The following KRTCAP2 variants were observed in gnomAD, a reference collection of about 807,000 sequenced individuals.
KRTCAP2 encodes keratinocyte associated protein 2.
Under a neutral mutation model 16.5 loss-of-function variants are expected in KRTCAP2, and 10 were observed. The ratio of observed to expected loss-of-function variants is 0.60; its 90% CI spans 0.37 to 1.02. KRTCAP2 has a LOEUF of 1.02. Among genes scored for constraint, KRTCAP2 ranks in the 50% least tolerant of loss-of-function variants. KRTCAP2 has a pLI of 0.01. For missense variants in KRTCAP2, 152 were observed against 159.6 expected (o/e 0.95, Z 0.26); for synonymous variants, 68 against 69.8 (o/e 0.97, Z 0.13).
chr1:155,172,927 C>T (rs763492478), intron 1 of KRTCAP2, 35 bp from the exon 2 acceptor site: 5 of 1,607,470 alleles, frequency 3.1e-6, no homozygotes, highest in Admixed American at 3.4e-5. Context: ...GAGAGTCAGG[C>T]TCCGCCCTCC....
chr1:155,171,565 G>T (rs1665246192), intron 3 of KRTCAP2: 1 of 983,126 alleles, frequency 1.0e-6, no homozygotes, highest in Non-Finnish European at 1.2e-6. Context: ...GGGGGGCAAA[G>T]AAATGAGGGC....
chr1:155,172,895 G>A lies in KRTCAP2; in HGVS notation c.5-3C>T, dbSNP rs2147769779. 1 of 1,613,620 alleles carries A rather than the reference G, an allele frequency of 6.2e-7. No homozygotes were observed. Among genetic ancestry groups the A allele is most frequent in the South Asian group, 1.1e-5 (1 of 91,056 alleles). ...CAGCGAGGTGCCCGTACCCACCACT[G>A]GAGGGGATGGGAGAAGGGACGGAGA... On this transcript the variant is annotated splice_polypyrimidine_tract_variant and splice_region_variant and intron_variant, in intron 1 of 4. Coordinates refer to ENST00000295682, the MANE Select transcript of KRTCAP2 (RefSeq NM_173852.4).
intron 3 of KRTCAP2, chr1:155,171,113 G>C (rs1665225805): frequency 6.6e-6 from 1 of 152,236 alleles, no homozygotes; most frequent in Admixed American, 6.6e-5. Context: ...CCCAGCCAAT[G>C]GTTTCTTTCA....
chr1:155,171,498 G>C (rs1335043760), intron 3 of KRTCAP2: 1 of 985,012 alleles, frequency 1.0e-6, no homozygotes, highest in Non-Finnish European at 1.2e-6. Context: ...CGGGGCTACT[G>C]GATGGAAAGA....
chr1:155,172,120 C>G, intron 3 of KRTCAP2: 1 of 1,005,490 alleles, frequency 9.9e-7, no homozygotes, highest in Non-Finnish European at 1.2e-6. Context: ...GGTCAGGATT[C>G]CTGCTGCCAT....
intron 3 of KRTCAP2, chr1:155,171,335 C>T (rs1665231979): frequency 4.3e-6 from 2 of 463,546 alleles, no homozygotes; most frequent in Non-Finnish European, 5.6e-6. Context: ...AGGAGAATCG[C>T]TTGAACCTGG....
At chr1:155,171,425 A>AT (rs1665238089) in intron 3 of KRTCAP2, 2 of 981,102 alleles carry the variant, frequency 2.0e-6, no homozygotes, top group Non-Finnish European at 2.4e-6. Context: ...TCTCAAAAAA[A>AT]AAAAAAAAAA....
chr1:155,171,847 CAA>C (rs56344097), intron 3 of KRTCAP2: 45,494 of 634,912 alleles, frequency 0.072, no homozygotes, highest in Middle Eastern at 0.087. Flanking sequence ...AGCCTTGTCT[CAA>C]AAAAAAAAAA....
At chr1:155,172,713 C>T (rs1665300103) in intron 2 of KRTCAP2, 25 bp downstream of exon 2, 1 of 1,614,160 alleles carries the variant, frequency 6.2e-7, no homozygotes. Flanking sequence ...ACGTGGCCCG[C>T]CCCCTCCAAC....
At chr1:155,171,791 G>T in intron 3 of KRTCAP2, 1 of 759,102 alleles carries the variant, frequency 1.3e-6, no homozygotes, top group Non-Finnish European at 1.6e-6. Context: ...CCAGGTCAAG[G>T]CTTCAGTGAT....
intron 1 of KRTCAP2, 103 bp from the exon 2 acceptor site, chr1:155,172,995 C>A: frequency 7.9e-7 from 1 of 1,268,952 alleles, no homozygotes; most frequent in Non-Finnish European, 1.1e-6. Flanking sequence ...CGACCCCCTC[C>A]AAGAACTCCC....
chr1:155,173,022 G>A, intron 1 of KRTCAP2, 130 bp from the exon 2 acceptor site: 5 of 1,052,670 alleles, frequency 4.7e-6, no homozygotes, highest in Non-Finnish European at 7.1e-6. Flanking sequence ...GCAGCCACAC[G>A]CCCCAACTCC....
Position 155,172,789 on chromosome 1 carries a change from G to A in KRTCAP2, c.108C>T (p.Leu36=), listed in dbSNP as rs759471919. 10 of 1,614,248 alleles carry A rather than the reference G, an allele frequency of 6.2e-6. No individual in the cohort carries two copies. Among genetic ancestry groups the A allele is most frequent in the Non-Finnish European group, 8.5e-6 (10 of 1,180,046 alleles). Reference sequence around the variant, plus strand: ...AACCAAGCAGGCCGCCCTGGATGGTGAGCCACTCGGTGGAGGCCAGCTGAC... The same window carrying A: ...AACCAAGCAGGCCGCCCTGGATGGTAAGCCACTCGGTGGAGGCCAGCTGAC... The part of the protein sequence containing the change: ...YSRQLASTEW[L]TIQGGLLGSG... Residue 36 remains leucine, a synonymous_variant, in exon 2 of 5, where the codon CTC becomes CTT. Coordinates refer to ENST00000295682, the MANE Select transcript of KRTCAP2 (RefSeq NM_173852.4).
chr1:155,170,340 C>CAAAAAA (rs71077986), intron 3 of KRTCAP2: 3 of 74,238 alleles, frequency 4.0e-5, no homozygotes, highest in African/African-American at 5.7e-5. Context: ...ACCCCGTCTC[C>CAAAAAA]AAAAAAAAAA....
intron 3 of KRTCAP2, chr1:155,172,325 T>G (rs1665280045): frequency 7.3e-7 from 1 of 1,370,194 alleles, no homozygotes; most frequent in African/African-American, 1.5e-5. Context: ...CCCTCAAACC[T>G]TCCCTGGGAG....
intron 4 of KRTCAP2, 92 bp from the exon 5 acceptor site, chr1:155,169,652 C>T: frequency 6.7e-7 from 1 of 1,489,850 alleles, no homozygotes; most frequent in Non-Finnish European, 9.3e-7. Context: ...GGAAAGAATC[C>T]AAGTTCAAGT....
intron 3 of KRTCAP2, chr1:155,171,343 TG>T: frequency 1.9e-6 from 1 of 524,236 alleles, no homozygotes; most frequent in Non-Finnish European, 2.4e-6. Context: ...CGCTTGAACC[TG>T]GGAGGCAGAG....
intron 3 of KRTCAP2, chr1:155,171,053 G>C (rs943539221): frequency 6.6e-6 from 1 of 152,254 alleles, no homozygotes; most frequent in African/African-American, 2.4e-5. Context: ...CAAGCTATCT[G>C]CCAGCCTACA....
At chr1:155,171,783 A>C in intron 3 of KRTCAP2, 1 of 707,880 alleles carries the variant, frequency 1.4e-6, no homozygotes, top group Non-Finnish European at 1.7e-6. Context: ...GCTTGAGACC[A>C]GGTCAAGGCT....
Sources: allele counts gnomAD v4.1 joint callset, GRCh38; gene constraint gnomAD v4.1.1; transcripts MANE v1.5; gene names NCBI Gene and HGNC (gene_info 2026-07-23, HGNC 2026-07-21).